COL6A1: variants seen among roughly 807,000 people sequenced by gnomAD.
The protein encoded by COL6A1 is collagen type VI alpha 1 chain.
COL6A1 carries 80 observed loss-of-function variants against 145.6 expected under a neutral mutation model. The observed-to-expected ratio is 0.55, with a 90% confidence interval of 0.46 to 0.66. The LOEUF is 0.66. Among genes scored for constraint, COL6A1 ranks in the 30% least tolerant of loss-of-function variants. The probability of loss-of-function intolerance (pLI) is 0.00; values close to 1 mark genes in which losing one functional copy is unlikely to be tolerated. For synonymous variants in COL6A1, 638 were observed against 622.8 expected (o/e 1.02, Z -0.36); for missense variants, 1,364 against 1,473.8 (o/e 0.93, Z 1.22).
rs147940239 is a variant in COL6A1, at chr21:46,002,480, C to T, written c.2251-47C>T. On this transcript the variant is annotated intron_variant, in intron 32 of 34. Transcript: ENST00000361866. ...CAGGGTGGCCTTGTCCCCAGAAAGA[C>T]GAGGGCAGAGCAGGCTGCGCCACAC... The T allele has an allele frequency of 2.5e-4, 406 of 1,613,280 alleles. 2 individuals carry two copies. In the African/African-American group the frequency reaches 3.9e-3, roughly 15 times the overall value.
intron 24 of COL6A1, 82 bp downstream of exon 24, chr21:45,998,515 T>C: frequency 6.3e-7 from 1 of 1,583,614 alleles, no homozygotes; most frequent in Non-Finnish European, 8.7e-7. Flanking sequence ...AACACACATG[T>C]GCACACAGGC....
At chr21:45,991,091 G>C in intron 15 of COL6A1, 50 bp downstream of exon 15, 1 of 1,595,780 alleles carries the variant, frequency 6.3e-7, no homozygotes, top group Non-Finnish European at 8.6e-7. Context: ...GGTTGGCCAA[G>C]CGCTGAATTG....
Position 45,990,430 on chromosome 21 carries a change from G to C in COL6A1, c.1002+8G>C. 1 of 1,433,114 alleles carries C rather than the reference G, an allele frequency of 7.0e-7. No individual in the cohort carries two copies. Among genetic ancestry groups the C allele is most frequent in the Non-Finnish European group, 9.3e-7 (1 of 1,072,230 alleles). The allele number at this position is 1,433,114 out of a possible 1,614,324, so 88.8% of individuals were successfully genotyped here. ...GGGGTGGACGGCGTGAAGGTGACTG[G>C]GGGGAGATAGGATGGACGGGGAGGG... On this transcript the variant is annotated splice_region_variant and intron_variant, in intron 13 of 34. Coordinates refer to ENST00000361866, the MANE Select transcript of COL6A1 (RefSeq NM_001848.3).
intron 11 of COL6A1, 92 bp from the exon 12 acceptor site, chr21:45,990,166 A>C: frequency 6.7e-7 from 1 of 1,495,562 alleles, no homozygotes; most frequent in Non-Finnish European, 9.3e-7. Flanking sequence ...GGTTGGGGGC[A>C]CCCAAGCCCC....
In COL6A1 at chr21:46,004,284, T is replaced by C. The variant is rs2077868406; in HGVS notation, c.*271T>C. 3 of 541,094 alleles carry C rather than the reference T, an allele frequency of 5.5e-6. No individual in the cohort carries two copies. In the African/African-American group the frequency reaches 5.7e-5, roughly 10 times the overall value. The allele number at this position is 541,094 out of a possible 1,614,324, so 33.5% of individuals were successfully genotyped here. ...CACAGGGCCCTCTGAGGCTCAGCCCTGAGCTGGCGTCACCTGTGCAGGGCC... is the reference window on the plus strand; with the variant it reads ...CACAGGGCCCTCTGAGGCTCAGCCCCGAGCTGGCGTCACCTGTGCAGGGCC... On this transcript the variant is annotated 3_prime_UTR_variant, in exon 35 of 35. Transcript: ENST00000361866.
At chr21:45,988,487 G>A (rs368291546) in intron 8 of COL6A1, among the ~76,000 whole-genome samples, 1 of 151,756 alleles carries the variant, frequency 6.6e-6, no homozygotes, top group Non-Finnish European at 1.5e-5. Context: ...TGGAAGGGAC[G>A]GCGGGGTCCA....
In COL6A1 at chr21:46,004,190, G is replaced by T. The variant is rs970264831; in HGVS notation, c.*177G>T. ...GCCTGCTTTGTGCAGGGTCCTCCGG[G>T]GCTCAGCCCTGAGTTGGCATCACCT... On this transcript the variant is annotated 3_prime_UTR_variant, in exon 35 of 35. Transcript: ENST00000361866. The T allele has an allele frequency of 5.7e-6, 5 of 870,060 alleles. No individual in the cohort carries two copies. In the African/African-American group the frequency reaches 8.4e-5, roughly 15 times the overall value. The allele number at this position is 870,060 out of a possible 1,614,324, so 53.9% of individuals were successfully genotyped here.
chr21:45,991,624 C>T lies in COL6A1; in HGVS notation c.1120-386C>T, dbSNP rs896864503. On this transcript the variant is annotated intron_variant, in intron 15 of 34. Coordinates refer to ENST00000361866, the MANE Select transcript of COL6A1 (RefSeq NM_001848.3). ...ACAAAGGCGAATGCTGACCCCACCC[C>T]AAACATTCCCAGACGAGCTCCTAGA... is the stretch of plus-strand genomic sequence containing the variant. Among the ~76,000 whole-genome samples the T allele has an allele frequency of 7.6e-4, 115 of 152,192 alleles. 1 individual carries two copies. The highest frequency in any genetic ancestry group is 4.0e-3 in the Admixed American group (61 of 15,282).
In COL6A1 at chr21:45,989,101, G is replaced by A. The variant is rs886044503; in HGVS notation, c.822G>A (p.Pro274=). 1.9e-5 allele frequency: 30 copies of A among 1,611,118 alleles called. No individual in the cohort carries two copies. In the Admixed American group the frequency reaches 2.5e-4, roughly 13 times the overall value. The part of the protein sequence containing the change: ...DPGFEGERGK[P]GLPGEKGEAG... ...TGTTCCAGGGAGAACGAGGCAAGCCGGGGCTCCCAGGAGAGAAGGGAGAAG... is the reference window on the plus strand; with the variant it reads ...TGTTCCAGGGAGAACGAGGCAAGCCAGGGCTCCCAGGAGAGAAGGGAGAAG... Residue 274 remains proline, a synonymous_variant, in exon 9 of 35, where the codon CCG becomes CCA. Transcript: ENST00000361866.
rs1039608774 is a variant in COL6A1, at chr21:46,004,721, G to A, written c.*708G>A. 6 of 452,454 alleles carry A rather than the reference G, an allele frequency of 1.3e-5. No individual in the cohort carries two copies. The highest frequency in any genetic ancestry group is 3.1e-5 in the South Asian group (2 of 63,986). 28.0% of individuals were successfully genotyped at this position (452,454 alleles called of 1,614,324 possible). On this transcript the variant is annotated 3_prime_UTR_variant, in exon 35 of 35. Transcript: ENST00000361866. The stretch of plus-strand genomic sequence containing the variant: ...CCTTGGCCCTACAGCCCTGGAGGCC[G>A]CTGCTGACCAGCACTGACCCCGACC...
chr21:45,983,649 G>A (rs563782056), intron 2 of COL6A1, among the ~76,000 whole-genome samples: 265 of 144,596 alleles, frequency 1.8e-3, no homozygotes, highest in African/African-American at 7.1e-3. Flanking sequence ...AGGCCCGTGC[G>A]GCAGTGTTTG....
chr21:46,004,113 T>C lies in COL6A1; in HGVS notation c.*100T>C, dbSNP rs554025611. On this transcript the variant is annotated 3_prime_UTR_variant, in exon 35 of 35. Coordinates refer to ENST00000361866, the MANE Select transcript of COL6A1 (RefSeq NM_001848.3). ...TGCGAATTTTCCCGACCAACCTGATTCGCTAGATTTTTTTTAAGGAAAAGC... is the reference window on the plus strand; with the variant it reads ...TGCGAATTTTCCCGACCAACCTGATCCGCTAGATTTTTTTTAAGGAAAAGC... 26 of 1,495,306 alleles carry C rather than the reference T, an allele frequency of 1.7e-5. No individual in the cohort carries two copies. In the Admixed American group the frequency reaches 2.3e-4, roughly 13 times the overall value. The allele number at this position is 1,495,306 out of a possible 1,614,324, so 92.6% of individuals were successfully genotyped here.
chr21:45,992,864 C>T, intron 19 of COL6A1, 54 bp downstream of exon 19: 1 of 1,511,680 alleles, frequency 6.6e-7, no homozygotes, highest in Non-Finnish European at 9.0e-7. Flanking sequence ...CAGGCGGAGG[C>T]TGGGGCTGGG....
chr21:45,997,729 AC>A lies in COL6A1; in HGVS notation c.1496del (p.Pro499LeufsTer6). ...GARGAPGPAG[P>X]PGDPGLMGER... ...CCAGAGGAGCCCCAGGACCTGCCGGACCCCCTGGAGACCCGGGGCTGATGGG... is the reference window on the plus strand; with the variant it reads ...CCAGAGGAGCCCCAGGACCTGCCGGACCCCTGGAGACCCGGGGCTGATGGG... On this transcript the variant is annotated frameshift_variant, in exon 22 of 35. Transcript: ENST00000361866. LOFTEE classifies it high-confidence loss of function. 1 of 1,595,906 alleles carries A rather than the reference AC, an allele frequency of 6.3e-7. No individual in the cohort carries two copies. Among genetic ancestry groups the A allele is most frequent in the Non-Finnish European group, 8.5e-7 (1 of 1,171,494 alleles).
intron 11 of COL6A1, 57 bp from the exon 12 acceptor site, chr21:45,990,201 C>T (rs1405839322): frequency 6.2e-7 from 1 of 1,606,876 alleles, no homozygotes; most frequent in Non-Finnish European, 8.5e-7. Context: ...CTAAGCCAGG[C>T]TTGCCCTGCC....
rs779372986 is a variant in COL6A1 at position 45,998,191 on chromosome 21, G to T, written c.1575+20G>T. ...TTCCCCGTAAGTGTCCGGAGGCTGA[G>T]CCCACAGGAACATGCCCAAGCTGCC... On this transcript the variant is annotated intron_variant, in intron 23 of 34. Coordinates refer to ENST00000361866, the MANE Select transcript of COL6A1 (RefSeq NM_001848.3). The T allele has an allele frequency of 1.2e-6, 2 of 1,610,802 alleles. No homozygotes were observed. The highest frequency in any genetic ancestry group is 3.3e-5 in the Admixed American group (2 of 59,862).
At chr21:46,000,008 C>CGTGAGGATCATGGGGGGACAT (rs2077833230) in intron 27 of COL6A1, among the ~76,000 whole-genome samples, 2 of 7,948 alleles carry the variant, frequency 2.5e-4, no homozygotes, top group Admixed American at 2.1e-3. Flanking sequence ...ATGGGGGACC[C>CGTGAGGATCATGGGGGGACAT]GTGAGGATCA....
rs2077794513 is a variant in COL6A1, at chr21:45,994,509, G to C, written c.1398+280G>C. 6.6e-6 allele frequency among the ~76,000 whole-genome samples: 1 copy of C among 152,114 alleles called. No homozygotes were observed. The highest frequency in any genetic ancestry group is 1.5e-5 in the Non-Finnish European group (1 of 68,014). ...AGCGCTGTCTGGGGGCCCATCCGGG[G>C]CAAGGGTGCCTCACAGTGAGGAAGA... On this transcript the variant is annotated intron_variant, in intron 20 of 34. Coordinates refer to ENST00000361866, the MANE Select transcript of COL6A1 (RefSeq NM_001848.3). The surrounding 1 kb of genome is among the most constrained non-coding windows in gnomAD (Gnocchi z 6.8).
In COL6A1 at chr21:46,004,409, T is replaced by G; in HGVS notation, c.*396T>G. 1.8e-5 allele frequency: 6 copies of G among 340,674 alleles called. No individual in the cohort carries two copies. The highest frequency in any genetic ancestry group is 7.6e-5 in the East Asian group (1 of 13,218). The allele number at this position is 340,674 out of a possible 1,614,324, so 21.1% of individuals were successfully genotyped here. A position where few individuals can be genotyped will look rare whatever the true frequency, so the allele number is the denominator to read the frequency against. On this transcript the variant is annotated 3_prime_UTR_variant, in exon 35 of 35. Coordinates refer to ENST00000361866, the MANE Select transcript of COL6A1 (RefSeq NM_001848.3). Reference sequence around the variant, plus strand: ...CCCTCCCTCCTGCCTGCGCAGCTCCTTCCCTAGGCACCTCTGTGCTGCATC... The same window carrying G: ...CCCTCCCTCCTGCCTGCGCAGCTCCGTCCCTAGGCACCTCTGTGCTGCATC...
Sources: gnomAD v4.1 joint callset for allele counts (sites outside exome capture counted in the v4.1 genomes callset) on GRCh38, gnomAD v4.1.1 for gene constraint, Gnocchi (gnomAD v3.1) non-coding constraint, MANE v1.5 for transcripts, NCBI Gene and HGNC (gene_info 2026-07-23, HGNC 2026-07-21) for gene names.